The following RTCB variants were observed in gnomAD, a reference collection of about 807,000 sequenced individuals.
The protein encoded by RTCB is RNA-splicing ligase RTCB.
RTCB carries 32 observed loss-of-function variants against 58.2 expected under a neutral mutation model. The observed-to-expected ratio is 0.55, with a 90% CI of 0.41 to 0.74. RTCB has a LOEUF of 0.74. Among genes scored for constraint, RTCB ranks in the 30% least tolerant of loss-of-function variants. RTCB has a pLI of 0.00. For synonymous variants in RTCB, 247 were observed against 218.6 expected (o/e 1.13, Z -1.15); for missense variants, 523 against 639.0 (o/e 0.82, Z 1.96).
intron 10 of RTCB, 45 bp from the exon 11 acceptor site, chr22:32,392,404 T>C: frequency 6.2e-7 from 1 of 1,612,980 alleles, no homozygotes; most frequent in Admixed American, 1.7e-5. Context: ...CCTAAGATGA[T>C]AAGCCCTTTC....
intron 3 of RTCB, 21 bp downstream of exon 3, chr22:32,408,154 A>G (rs1225101124): frequency 1.2e-6 from 2 of 1,606,168 alleles, no homozygotes; most frequent in South Asian, 1.1e-5. Context: ...TAAATGATTA[A>G]AGTTCTGAAC....
intron 4 of RTCB, among the ~76,000 whole-genome samples, chr22:32,404,855 ATT>A (rs951047230): frequency 6.4e-5 from 9 of 139,562 alleles, no homozygotes; most frequent in Admixed American, 1.4e-4. Context: ...AATTTTTTGT[ATT>A]TTTTTTTTTT....
intron 1 of RTCB, among the ~76,000 whole-genome samples, chr22:32,410,356 A>C (rs999312612): frequency 6.6e-6 from 1 of 152,182 alleles, no homozygotes; most frequent in East Asian, 1.9e-4. Context: ...GGAGTGTTTT[A>C]AGGGAATAAA....
In RTCB at chr22:32,408,244, T is replaced by G. The variant is rs763576576; in HGVS notation, c.173-2A>C. On this transcript the variant is annotated splice_acceptor_variant, in intron 2 of 11. Transcript: ENST00000216038. LOFTEE classifies it high-confidence loss of function. ...TGGCTGGCAGGAAGCCACCAACACC[T>G]GAAGACAAAAATTGGGTATTAGAAA... 2 of 1,613,660 alleles carry G rather than the reference T, an allele frequency of 1.2e-6. No homozygotes were observed. The highest frequency in any genetic ancestry group is 1.7e-6 in the Non-Finnish European group (2 of 1,179,678).
Position 32,396,242 on chromosome 22 carries a change from C to G in RTCB, c.822G>C (p.Leu274=), listed in dbSNP as rs1048891271. The change falls in exon 8 of 12, where the codon CTG becomes CTC. Residue 274 remains leucine (L), a synonymous_variant. Coordinates refer to ENST00000216038, the MANE Select transcript of RTCB (RefSeq NM_014306.5). The part of the protein sequence containing the change: ...GLGHQVATDA[L]VAMEKAMKRD... ...TCTTCATGGCCTTCTCCATAGCTAC[C>G]AGCGCATCTGGAACAAGAGCCACAA... 1 of 1,613,900 alleles carries G rather than the reference C, an allele frequency of 6.2e-7. No homozygotes were observed. Among genetic ancestry groups the G allele is most frequent in the Admixed American group, 1.7e-5 (1 of 60,004 alleles).
intron 11 of RTCB, among the ~76,000 whole-genome samples, chr22:32,389,220 T>C (rs1276661678): frequency 6.6e-6 from 1 of 152,214 alleles, no homozygotes; most frequent in African/African-American, 2.4e-5. Context: ...GAAATTCCAC[T>C]GGGCCAATGA....
At chr22:32,411,507 C>T (rs1329765876) in intron 1 of RTCB, among the ~76,000 whole-genome samples, 1 of 152,102 alleles carries the variant, frequency 6.6e-6, no homozygotes, top group Admixed American at 6.6e-5. Context: ...TCCTCGAGGT[C>T]CTTCTGTGAA....
At chr22:32,399,780 C>A in intron 5 of RTCB, 21 bp from the exon 6 acceptor site, 1 of 1,601,284 alleles carries the variant, frequency 6.2e-7, no homozygotes, top group Non-Finnish European at 8.5e-7. Flanking sequence ...ATAAAAGGTG[C>A]TAGTCATCTC....
intron 10 of RTCB, 46 bp from the exon 11 acceptor site, chr22:32,392,405 A>G: frequency 6.2e-7 from 1 of 1,612,794 alleles, no homozygotes; most frequent in Non-Finnish European, 8.5e-7. Flanking sequence ...CTAAGATGAT[A>G]AGCCCTTTCC....
intron 11 of RTCB, among the ~76,000 whole-genome samples, chr22:32,391,911 T>G (rs375812732): frequency 3.9e-5 from 6 of 152,228 alleles, no homozygotes; most frequent in African/African-American, 9.6e-5. Flanking sequence ...TTTTTCAAAT[T>G]TGCTTTCAAA....
At chr22:32,399,853 C>T in intron 5 of RTCB, 94 bp from the exon 6 acceptor site, 1 of 1,162,340 alleles carries the variant, frequency 8.6e-7, no homozygotes, top group Non-Finnish European at 1.2e-6. Flanking sequence ...AAAAACTCGA[C>T]ATTTACTATC....
At chr22:32,392,465 T>TTG (rs1220971218) in intron 10 of RTCB, 106 bp from the exon 11 acceptor site, 1 of 1,415,088 alleles carries the variant, frequency 7.1e-7, no homozygotes, top group Non-Finnish European at 9.8e-7. Flanking sequence ...TCTTTTTTAC[T>TTG]TTATCGAATT....
At chr22:32,392,155 A>G (rs1933163418) in intron 11 of RTCB, 85 bp downstream of exon 11, 1 of 1,392,032 alleles carries the variant, frequency 7.2e-7, no homozygotes, top group Non-Finnish European at 9.6e-7. Flanking sequence ...TGTTAGTAAC[A>G]CCCTAAATTG....
At chr22:32,411,214 C>T (rs991198977) in intron 1 of RTCB, among the ~76,000 whole-genome samples, 12 of 152,158 alleles carry the variant, frequency 7.9e-5, no homozygotes, top group African/African-American at 2.7e-4. Context: ...AGACGTGAGA[C>T]GAGACGGTAA....
rs1303185091 is a variant in RTCB, at chr22:32,399,712, T to G, written c.545A>C (p.Glu182Ala). 1.2e-6 allele frequency: 2 copies of G among 1,614,006 alleles called. No individual in the cohort carries two copies. Among genetic ancestry groups the G allele is most frequent in the East Asian group, 2.2e-5 (1 of 44,866 alleles). The change falls in exon 6 of 12, where the codon GAA becomes GCA. Residue 182 changes from glutamate to alanine, a missense_variant. Coordinates refer to ENST00000216038, the MANE Select transcript of RTCB (RefSeq NM_014306.5). ...LEMGVDWSLR[E>A]GYAWAEDKEH... ...CTTGTCTTCAGCCCAGGCATACCCT[T>G]CTCTTAAGGACCAGTCCACCCCCAT...
At chr22:32,406,286 T>C (rs1385342529) in intron 4 of RTCB, among the ~76,000 whole-genome samples, 6 of 152,028 alleles carry the variant, frequency 3.9e-5, no homozygotes, top group Non-Finnish European at 7.4e-5. Flanking sequence ...TGGAGAGAAG[T>C]GCTCTGTTTC....
chr22:32,408,841 C>G lies in RTCB; in HGVS notation c.94-8G>C. ...ATAGAAAACACCTTCAACCTAGTAC[C>G]AAGGAAAGTGAAAAGCAATGTCTGA... On this transcript the variant is annotated splice_polypyrimidine_tract_variant and splice_region_variant and intron_variant, in intron 1 of 11. Transcript: ENST00000216038. 1.1e-5 allele frequency: 17 copies of G among 1,607,586 alleles called. No individual in the cohort carries two copies. Among genetic ancestry groups the G allele is most frequent in the Non-Finnish European group, 1.4e-5 (17 of 1,174,082 alleles).
In RTCB at chr22:32,406,774, T is replaced by G. The variant is rs1040741268; in HGVS notation, c.241-13A>C. Reference sequence around the variant, plus strand: ...GCCCAATAGATCGCTGAAAAAGAATTAGAAAATGAAATACAAGTGTCTTGA... The same window carrying G: ...GCCCAATAGATCGCTGAAAAAGAATGAGAAAATGAAATACAAGTGTCTTGA... On this transcript the variant is annotated splice_polypyrimidine_tract_variant and intron_variant, in intron 3 of 11. Transcript: ENST00000216038. 1 of 1,587,352 alleles carries G rather than the reference T, an allele frequency of 6.3e-7. No individual in the cohort carries two copies. Among genetic ancestry groups the G allele is most frequent in the African/African-American group, 1.3e-5 (1 of 74,334 alleles).
rs1167845361 is a variant in RTCB, at chr22:32,392,329, G to A, written c.1321C>T (p.Arg441Cys). ...GRALSRAKSRRNLDFQDVLDK... is the reference protein window; with the variant it reads ...GRALSRAKSRCNLDFQDVLDK... ...AAGACATCCTGGAAATCTAAATTAC[G>A]TCGAGATTTTGCTCGGGACAATGCA... is the stretch of plus-strand genomic sequence containing the variant. The change falls in exon 11 of 12, where the codon CGT becomes TGT. Residue 441 changes from arginine to cysteine, a missense_variant. By Grantham distance (180) the Arg-to-Cys change is radical. Coordinates refer to ENST00000216038, the MANE Select transcript of RTCB (RefSeq NM_014306.5). The A allele has an allele frequency of 8.7e-6, 14 of 1,613,930 alleles. No individual in the cohort carries two copies. The highest frequency in any genetic ancestry group is 4.5e-5 in the East Asian group (2 of 44,878).
Sources: gnomAD v4.1 joint callset for allele counts (sites outside exome capture counted in the v4.1 genomes callset) on GRCh38, gnomAD v4.1.1 for gene constraint, MANE v1.5 for transcripts, NCBI Gene and HGNC (gene_info 2026-07-23, HGNC 2026-07-21) for gene names.